The following ASB4 variants were observed in gnomAD, a reference collection of about 807,000 sequenced individuals.
ASB4 encodes the protein ankyrin repeat and SOCS box containing 4, also known as ankyrin repeat and SOCS box protein 4.
ASB4 carries 35 observed loss-of-function variants against 38.6 expected under a neutral mutation model. The observed-to-expected ratio is 0.91, with a 90% CI of 0.69 to 1.20. The LOEUF (loss-of-function observed/expected upper bound fraction) is 1.20, where lower values mean the gene tolerates loss of function less well. Among genes scored for constraint, ASB4 ranks in the 50% most tolerant of loss-of-function variants. The pLI is 0.00. For missense variants in ASB4, 557 were observed against 527.2 expected (o/e 1.06, Z -0.55); for synonymous variants, 195 against 201.3 (o/e 0.97, Z 0.26).
At chr7:95,549,430 G>C in the ASB4 span, among the ~76,000 whole-genome samples, 74 of 151,262 alleles carry the variant, frequency 4.9e-4, no homozygotes, top group Non-Finnish European at 1.0e-3. Flanking sequence ...CCTAGTAGCT[G>C]GGACTACAGG....
chr7:95,478,281 G>A (rs1789995220), upstream of ASB4, among the ~76,000 whole-genome samples: 1 of 152,194 alleles, frequency 6.6e-6, no homozygotes, highest in African/African-American at 2.4e-5. Flanking sequence ...GTGTAACTGG[G>A]TGAGGGATGG....
chr7:95,524,895 T>C (rs1270568761), intron 2 of ASB4, among the ~76,000 whole-genome samples: 1 of 152,198 alleles, frequency 6.6e-6, no homozygotes, highest in African/African-American at 2.4e-5. Context: ...TCCTGGGTGG[T>C]AACCTGGGAT....
chr7:95,545,608 T>C, the ASB4 span, among the ~76,000 whole-genome samples: 1 of 152,174 alleles, frequency 6.6e-6, no homozygotes, highest in African/African-American at 2.4e-5. Flanking sequence ...TTCCTGGGTG[T>C]GGTTTTGTTT....
At chr7:95,527,735 A>G (rs1790758306) in intron 2 of ASB4, 78 bp from the exon 3 acceptor site, 1 of 1,346,760 alleles carries the variant, frequency 7.4e-7, no homozygotes, top group Non-Finnish European at 1.0e-6. Flanking sequence ...AAGCAGTGAG[A>G]AAAGTCTTGT....
At chr7:95,505,567 T>C (rs1790395608) in intron 2 of ASB4, among the ~76,000 whole-genome samples, 1 of 152,104 alleles carries the variant, frequency 6.6e-6, no homozygotes, top group Non-Finnish European at 1.5e-5. Flanking sequence ...ACTAAATAAA[T>C]ACCATTTATT....
chr7:95,511,887 G>A (rs189819700), intron 2 of ASB4, among the ~76,000 whole-genome samples: 2 of 152,238 alleles, frequency 1.3e-5, no homozygotes, highest in East Asian at 3.9e-4. Context: ...AGGTGGTGCT[G>A]CCTTCCCTTT....
chr7:95,478,854 C>T (rs1790000103), intron 1 of ASB4, among the ~76,000 whole-genome samples: 1 of 152,146 alleles, frequency 6.6e-6, no homozygotes, highest in Non-Finnish European at 1.5e-5. Context: ...CACACATGCT[C>T]CCAGTATGTA....
intron 2 of ASB4, among the ~76,000 whole-genome samples, chr7:95,497,247 T>C (rs954201221): frequency 1.3e-4 from 20 of 152,144 alleles, no homozygotes; most frequent in Non-Finnish European, 2.6e-4. Context: ...TAGACAAGAA[T>C]GGAAGCAGGG....
intron 2 of ASB4, among the ~76,000 whole-genome samples, chr7:95,517,663 G>T (rs1790603048): frequency 6.6e-6 from 1 of 152,026 alleles, no homozygotes. Context: ...AGAGAGGTGT[G>T]GTAACTGGAA....
chr7:95,531,817 C>T (rs934542089), intron 3 of ASB4, among the ~76,000 whole-genome samples: 2 of 152,136 alleles, frequency 1.3e-5, no homozygotes, highest in Non-Finnish European at 2.9e-5. Context: ...AAGCATCTCC[C>T]CTGCTGGCTT....
At chr7:95,488,650 A>G (rs1790127975) in intron 1 of ASB4, among the ~76,000 whole-genome samples, 1 of 152,236 alleles carries the variant, frequency 6.6e-6, no homozygotes, top group Non-Finnish European at 1.5e-5. Context: ...TTATTAAATC[A>G]AAGGAGAAGT....
At chr7:95,484,553 C>A (rs945830739), upstream of ASB4, among the ~76,000 whole-genome samples, 1 of 152,130 alleles carries the variant, frequency 6.6e-6, no homozygotes, top group African/African-American at 2.4e-5. Context: ...TTATATTACA[C>A]ATCAATAAAA....
At position 95,528,027 on chromosome 7, in the gene ASB4, C is replaced by A; in HGVS notation, c.702C>A (p.Val234=). ...EQEYSTEHHL[V]CRMLLDYKAE... ...AGTACAGCACGGAGCACCACCTGGT[C>A]TGCCGCATGCTGCTTGACTACAAAG... The change falls in exon 3 of 5, where the codon GTC becomes GTA. Residue 234 remains valine, a synonymous_variant. Transcript: ENST00000325885. The A allele has an allele frequency of 6.2e-7, 1 of 1,614,170 alleles. No individual in the cohort carries two copies. The highest frequency in any genetic ancestry group is 8.5e-7 in the Non-Finnish European group (1 of 1,180,036).
intron 2 of ASB4, among the ~76,000 whole-genome samples, chr7:95,518,282 G>C (rs541876572): frequency 6.6e-6 from 1 of 152,354 alleles, no homozygotes; most frequent in African/African-American, 2.4e-5. Flanking sequence ...AAAGAAATAA[G>C]AGTGGCTTCC....
intron 1 of ASB4, among the ~76,000 whole-genome samples, chr7:95,479,365 G>C (rs185107626): frequency 6.6e-6 from 1 of 152,168 alleles, no homozygotes; most frequent in Non-Finnish European, 1.5e-5. Flanking sequence ...TGCAAAGTAC[G>C]TTTATATACG....
chr7:95,499,046 C>A (rs1230352338), intron 2 of ASB4, among the ~76,000 whole-genome samples: 2 of 152,008 alleles, frequency 1.3e-5, no homozygotes, highest in East Asian at 1.9e-4. Context: ...ACTTGATTGC[C>A]ACAGGTTTGT....
At position 95,496,047 on chromosome 7, in the gene ASB4, G is replaced by T. The variant is rs752392005; in HGVS notation, c.477G>T (p.Leu159Phe). ...GTTCCATTCTCTGTGCCAAGCAATT[G>T]GTTTGGAGAGGTAAGCCTTTCTGGG... The part of the protein sequence containing the change: ...TPSSILCAKQ[L>F]VWRGANVNMK... Residue 159 changes from leucine to phenylalanine, a missense_variant, in exon 2 of 5, where the codon TTG becomes TTT. Physicochemically the swap from Leu to Phe is conservative, Grantham distance 22 (BLOSUM62 0). Coordinates refer to ENST00000325885, the MANE Select transcript of ASB4 (RefSeq NM_016116.3). 1.2e-6 allele frequency: 2 copies of T among 1,611,520 alleles called. No individual in the cohort carries two copies. The highest frequency in any genetic ancestry group is 1.7e-6 in the Non-Finnish European group (2 of 1,178,110).
downstream of ASB4, among the ~76,000 whole-genome samples, chr7:95,544,704 TA>T (rs1336317329): frequency 3.3e-5 from 5 of 152,134 alleles, no homozygotes; most frequent in Non-Finnish European, 7.3e-5. Context: ...TATTTTATTT[TA>T]TTTTTTTGAG....
chr7:95,529,258 A>C (rs557354434), intron 3 of ASB4, among the ~76,000 whole-genome samples: 26 of 152,372 alleles, frequency 1.7e-4, no homozygotes, highest in Middle Eastern at 3.4e-3. Context: ...CCTGAAAATA[A>C]ATCAAATAAT....
Sources: gnomAD v4.1 joint callset for allele counts (sites outside exome capture counted in the v4.1 genomes callset) on GRCh38, gnomAD v4.1.1 for gene constraint, MANE v1.5 for transcripts, NCBI Gene and HGNC (gene_info 2026-07-23, HGNC 2026-07-21) for gene names.